HIPK2: variants seen among roughly 807,000 people sequenced by gnomAD.
The protein encoded by HIPK2 is homeodomain interacting protein kinase 2, also known as homeodomain-interacting protein kinase 2.
A neutral mutation model predicts 113.7 loss-of-function variants in HIPK2; 27 were observed. The observed-to-expected ratio is 0.24, with a 90% confidence interval of 0.17 to 0.33. The LOEUF is 0.33. HIPK2 is among the 10% of genes least tolerant of loss of function. The pLI, the probability that HIPK2 is intolerant of heterozygous loss-of-function variation, is 1.00. For missense variants in HIPK2, 1,257 were observed against 1,588.0 expected, an observed-to-expected ratio of 0.79 and a Z score of 3.54; for synonymous variants, 631 against 642.2, an observed-to-expected ratio of 0.98 and a Z score of 0.26.
chr7:139,687,731 A>C (rs1794269237), intron 2 of HIPK2, among the ~76,000 whole-genome samples: 1 of 152,132 alleles, frequency 6.6e-6, no homozygotes, highest in Admixed American at 6.6e-5. Flanking sequence ...TGGATTCCTA[A>C]ACTTGCACAC....
At position 139,745,858 on chromosome 7, in the gene HIPK2, G is replaced by A. The variant is rs371793875; in HGVS notation, c.20-28843C>T. ...CAGTAAATGTTTACTGAATTGAGAG[G>A]TCAATCCTACCCACTACTAGTTAAG... On this transcript the variant is annotated intron_variant, in intron 1 of 14. Transcript: ENST00000406875. 1.2e-4 allele frequency among the ~76,000 whole-genome samples: 18 copies of A among 152,286 alleles called. No individual in the cohort carries two copies. The East Asian group carries it at 1.4e-3, about 11-fold the overall frequency.
At chr7:139,686,426 C>A (rs542764757) in intron 2 of HIPK2, among the ~76,000 whole-genome samples, 1 of 152,074 alleles carries the variant, frequency 6.6e-6, no homozygotes, top group Non-Finnish European at 1.5e-5. Context: ...GTGTCCCCAC[C>A]CAAATCTCAT....
At position 139,631,767 on chromosome 7, in the gene HIPK2, T is replaced by C; in HGVS notation, c.1104-42A>G. 1 of 1,585,094 alleles carries C rather than the reference T, an allele frequency of 6.3e-7. No individual in the cohort carries two copies. Among genetic ancestry groups the C allele is most frequent in the Non-Finnish European group, 8.6e-7 (1 of 1,165,390 alleles). On this transcript the variant is annotated intron_variant, in intron 2 of 14. Transcript: ENST00000406875. This position sits in a 1 kb window ranked among gnomAD's most constrained non-coding sequence, Gnocchi z 4.9. Reference sequence around the variant, plus strand: ...GAAGAAACCATTAGCAAGTTGGAAATGCAGGAAGCTGTTTCTATATGAATA... The same window carrying C: ...GAAGAAACCATTAGCAAGTTGGAAACGCAGGAAGCTGTTTCTATATGAATA...
chr7:139,716,393 G>A lies in HIPK2; in HGVS notation c.642C>T (p.Val214=). ...CATTGGTGCCCCGTTTCCAGCACTTGACCACTTGCCCAAACGTCCCTCGGC... is the reference window on the plus strand; with the variant it reads ...CATTGGTGCCCCGTTTCCAGCACTTAACCACTTGCCCAAACGTCCCTCGGC... The part of the protein sequence containing the change: ...FLGRGTFGQV[V]KCWKRGTNEI... Residue 214 remains valine (V), a synonymous_variant, in exon 2 of 15, where the codon GTC becomes GTT. Transcript: ENST00000406875. The surrounding 1 kb of genome is among the most constrained non-coding windows in gnomAD (Gnocchi z 9.3). 1.2e-6 allele frequency: 2 copies of A among 1,614,038 alleles called. No individual in the cohort carries two copies. Among genetic ancestry groups the A allele is most frequent in the Non-Finnish European group, 1.7e-6 (2 of 1,179,968 alleles).
chr7:139,738,559 T>C (rs1263988530), intron 1 of HIPK2, among the ~76,000 whole-genome samples: 1 of 152,238 alleles, frequency 6.6e-6, no homozygotes, highest in African/African-American at 2.4e-5. Context: ...TCGAGTCATA[T>C]AACGATCATT....
intron 2 of HIPK2, among the ~76,000 whole-genome samples, chr7:139,643,318 C>A (rs1801091039): frequency 6.6e-6 from 1 of 152,062 alleles, no homozygotes. Flanking sequence ...ATGTTAGAAT[C>A]AGATTGGCGG....
chr7:139,625,722 C>T (rs775649112), intron 6 of HIPK2, among the ~76,000 whole-genome samples: 2 of 152,236 alleles, frequency 1.3e-5, no homozygotes, highest in Non-Finnish European at 2.9e-5. Flanking sequence ...ACACCTGATA[C>T]TTGTCCTCAT....
chr7:139,767,516 G>C (rs1369774354), intron 1 of HIPK2, among the ~76,000 whole-genome samples: 2 of 152,222 alleles, frequency 1.3e-5, no homozygotes. Flanking sequence ...CGCCATCAAA[G>C]AAGGATGGTA....
intron 1 of HIPK2, among the ~76,000 whole-genome samples, chr7:139,768,021 C>T (rs1418763796): frequency 6.6e-6 from 1 of 152,252 alleles, no homozygotes; most frequent in Non-Finnish European, 1.5e-5. Context: ...TGCTTCCAGG[C>T]CCTTTCCCAG....
chr7:139,701,534 C>T (rs953864522), intron 2 of HIPK2, among the ~76,000 whole-genome samples: 30 of 152,150 alleles, frequency 2.0e-4, no homozygotes, highest in African/African-American at 6.8e-4. Context: ...GCTGGCGGGA[C>T]GCTGAGACCT....
chr7:139,633,639 CT>C (rs1800698842), intron 2 of HIPK2, among the ~76,000 whole-genome samples: 1 of 148,644 alleles, frequency 6.7e-6, no homozygotes, highest in South Asian at 2.1e-4. Flanking sequence ...GAGTGAGACC[CT>C]GTTTCTTAAA....
chr7:139,641,296 T>C (rs960136170), intron 2 of HIPK2, among the ~76,000 whole-genome samples: 1 of 143,528 alleles, frequency 7.0e-6, no homozygotes, highest in African/African-American at 2.7e-5. Context: ...ACCTGGAAGG[T>C]GGAGGTTGCA....
intron 10 of HIPK2, among the ~76,000 whole-genome samples, chr7:139,602,356 T>C (rs185285062): frequency 6.6e-6 from 1 of 152,294 alleles, no homozygotes; most frequent in East Asian, 1.9e-4. Flanking sequence ...GTACTTCTGT[T>C]TGTTAGCCAC....
intron 2 of HIPK2, among the ~76,000 whole-genome samples, chr7:139,697,703 T>C (rs1393426523): frequency 1.3e-5 from 2 of 152,180 alleles, no homozygotes; most frequent in Non-Finnish European, 2.9e-5. Flanking sequence ...AACAACTCAG[T>C]GGCATTTAGT....
intron 2 of HIPK2, among the ~76,000 whole-genome samples, chr7:139,706,860 T>C (rs961036720): frequency 6.6e-6 from 1 of 152,266 alleles, no homozygotes; most frequent in Admixed American, 6.5e-5. Context: ...CAGCACACTG[T>C]GGGTCACACT....
intron 1 of HIPK2, among the ~76,000 whole-genome samples, chr7:139,745,702 A>G (rs183165021): frequency 3.4e-4 from 51 of 151,738 alleles, no homozygotes; most frequent in Non-Finnish European, 7.1e-4. Context: ...ACCCTGGCTC[A>G]CCTTCCACAC....
intron 13 of HIPK2, among the ~76,000 whole-genome samples, chr7:139,583,124 T>C (rs1352268221): frequency 6.6e-6 from 1 of 152,238 alleles, no homozygotes; most frequent in Non-Finnish European, 1.5e-5. Flanking sequence ...GCAGACTTCT[T>C]CTGGTTTAGT....
intron 2 of HIPK2, among the ~76,000 whole-genome samples, chr7:139,653,749 T>C (rs1801550870): frequency 6.6e-6 from 1 of 152,010 alleles, no homozygotes; most frequent in Non-Finnish European, 1.5e-5. Context: ...TGTTTTTTTT[T>C]TGAGATGGAG....
chr7:139,613,109 C>T lies in HIPK2; in HGVS notation c.2112+93G>A. 1.4e-6 allele frequency: 2 copies of T among 1,465,940 alleles called. No individual in the cohort carries two copies. Among genetic ancestry groups the T allele is most frequent in the Non-Finnish European group, 1.9e-6 (2 of 1,075,370 alleles). The allele number at this position is 1,465,940 out of a possible 1,614,324, so 90.8% of individuals were successfully genotyped here. On this transcript the variant is annotated intron_variant, in intron 9 of 14. Transcript: ENST00000406875. This position sits in a 1 kb window ranked among gnomAD's most constrained non-coding sequence, Gnocchi z 4.2. ...ATGACTAGAAGCACCTAACTCATTACTAGGGAGAGAGGGAGTGGAGATATA... is the reference window on the plus strand; with the variant it reads ...ATGACTAGAAGCACCTAACTCATTATTAGGGAGAGAGGGAGTGGAGATATA...
Sources: allele counts gnomAD v4.1 joint callset (sites outside exome capture counted in the v4.1 genomes callset), GRCh38; gene constraint gnomAD v4.1.1; non-coding constraint Gnocchi (gnomAD v3.1); transcripts MANE v1.5; gene names NCBI Gene and HGNC (gene_info 2026-07-23, HGNC 2026-07-21).